The following CDH13 variants were observed in gnomAD, a reference collection of about 807,000 sequenced individuals.
The protein encoded by CDH13 is cadherin 13.
CDH13 carries 24 observed loss-of-function variants against 63.8 expected under a neutral mutation model. The observed-to-expected ratio is 0.38, with a 90% CI of 0.27 to 0.53. CDH13 has a LOEUF of 0.53. Among genes scored for constraint, CDH13 ranks in the 20% least tolerant of loss-of-function variants. CDH13 has a pLI of 0.85. For synonymous variants in CDH13, 503 were observed against 355.3 expected (o/e 1.42, Z -4.67); for missense variants, 1,049 against 903.1 (o/e 1.16, Z -2.07).
intron 2 of CDH13, among the ~76,000 whole-genome samples, chr16:83,012,385 A>G (rs1914254634): frequency 6.8e-6 from 1 of 147,510 alleles, no homozygotes; most frequent in South Asian, 2.1e-4. Context: ...CTAATGAAGT[A>G]AGCCCTGGTC....
In CDH13 at chr16:83,799,240, G is replaced by C. The variant is rs146860945; in HGVS notation, c.*4210G>C. ...AGGCAGGAGAATCGCTTGAACCCAG[G>C]AGGCAGAGTTTGCAGTGAGCCATTG... On this transcript the variant is annotated 3_prime_UTR_variant, in exon 14 of 14. Coordinates refer to ENST00000567109, the MANE Select transcript of CDH13 (RefSeq NM_001257.5). 0.027 allele frequency: 4,132 copies of C among 150,600 alleles called. 86 individuals are homozygous for C. Among genetic ancestry groups the C allele is most frequent in the Non-Finnish European group, 0.039 (2,663 of 67,842 alleles). 9.3% of individuals were successfully genotyped at this position (150,600 alleles called of 1,614,324 possible).
rs547787180 is a variant in CDH13, at chr16:83,338,648, G to A, written c.637-6214G>A. Among the ~76,000 whole-genome samples the A allele has an allele frequency of 1.5e-3, 233 of 152,340 alleles. 1 individual carries two copies. Among genetic ancestry groups the A allele is most frequent in the African/African-American group, 5.4e-3 (225 of 41,574 alleles). ...CTAGCTGTTCTGGAGGAGTAAGGGA[G>A]GCTCTTCTTGATATTTGGGCCAAGA... On this transcript the variant is annotated intron_variant, in intron 5 of 13. Coordinates refer to ENST00000567109, the MANE Select transcript of CDH13 (RefSeq NM_001257.5).
chr16:82,792,176 A>G (rs751341450), intron 1 of CDH13, among the ~76,000 whole-genome samples: 4 of 152,108 alleles, frequency 2.6e-5, no homozygotes, highest in Non-Finnish European at 5.9e-5. Flanking sequence ...TAGACTCACA[A>G]TTCCAGATAA....
intron 6 of CDH13, among the ~76,000 whole-genome samples, chr16:83,365,345 G>T (rs1160269685): frequency 6.6e-6 from 1 of 152,232 alleles, no homozygotes; most frequent in African/African-American, 2.4e-5. Context: ...GTGAGTAGAT[G>T]AGGCCCACCA....
chr16:82,950,934 C>A (rs1198364679), intron 2 of CDH13, among the ~76,000 whole-genome samples: 1 of 152,100 alleles, frequency 6.6e-6, no homozygotes, highest in East Asian at 1.9e-4. Context: ...CCTGTCTGGG[C>A]ACTGCAATGT....
chr16:83,104,159 A>G (rs1193713287), intron 3 of CDH13, among the ~76,000 whole-genome samples: 1 of 152,150 alleles, frequency 6.6e-6, no homozygotes, highest in African/African-American at 2.4e-5. Context: ...TTGTTGTTTT[A>G]CCATCCTAAC....
chr16:82,713,116 C>T (rs1281344654), intron 1 of CDH13, among the ~76,000 whole-genome samples: 1 of 151,792 alleles, frequency 6.6e-6, no homozygotes, highest in East Asian at 1.9e-4. Flanking sequence ...AAACAAGTTA[C>T]CTGAGGGAAT....
At chr16:83,488,017 C>G (rs946838506) in intron 7 of CDH13, among the ~76,000 whole-genome samples, 10 of 152,192 alleles carry the variant, frequency 6.6e-5, no homozygotes, top group African/African-American at 1.9e-4. Flanking sequence ...TGTCATTTGT[C>G]TCTGAAGAAG....
intron 9 of CDH13, among the ~76,000 whole-genome samples, chr16:83,672,707 G>T (rs913019646): frequency 2.0e-5 from 3 of 152,074 alleles, no homozygotes; most frequent in African/African-American, 7.2e-5. Flanking sequence ...TTACAGATAT[G>T]AGCCACTGCA....
intron 1 of CDH13, among the ~76,000 whole-genome samples, chr16:82,809,238 T>C (rs1313320407): frequency 6.6e-6 from 1 of 152,098 alleles, no homozygotes; most frequent in African/African-American, 2.4e-5. Flanking sequence ...TTTGCCAAGC[T>C]ATTATTACAT....
intron 1 of CDH13, among the ~76,000 whole-genome samples, chr16:82,712,126 A>G (rs1416469138): frequency 6.6e-6 from 1 of 152,090 alleles, no homozygotes; most frequent in Non-Finnish European, 1.5e-5. Context: ...CCAGCAAACA[A>G]ATCATCCAAC....
intron 7 of CDH13, among the ~76,000 whole-genome samples, chr16:83,516,210 T>G (rs1351280454): frequency 3.3e-5 from 5 of 152,284 alleles, no homozygotes; most frequent in Non-Finnish European, 7.4e-5. Context: ...ACACTCAAAG[T>G]TTTCTTTATA....
At chr16:82,793,176 C>G (rs1263050996) in intron 1 of CDH13, among the ~76,000 whole-genome samples, 1 of 152,186 alleles carries the variant, frequency 6.6e-6, no homozygotes, top group Non-Finnish European at 1.5e-5. Context: ...AGTGCATCAC[C>G]CAGTGAAGCC....
chr16:82,880,020 T>G (rs996503029), intron 2 of CDH13, among the ~76,000 whole-genome samples: 10 of 148,036 alleles, frequency 6.8e-5, no homozygotes. Flanking sequence ...TATTAATAGA[T>G]CATATATAAT....
chr16:82,680,894 A>G (rs1244171407), intron 1 of CDH13, among the ~76,000 whole-genome samples: 1 of 152,190 alleles, frequency 6.6e-6, no homozygotes, highest in African/African-American at 2.4e-5. Context: ...GGAGAGAAAA[A>G]GACACCTTAA....
intron 3 of CDH13, among the ~76,000 whole-genome samples, chr16:83,099,928 T>G (rs984109044): frequency 5.3e-5 from 8 of 152,164 alleles, no homozygotes; most frequent in African/African-American, 1.9e-4. Flanking sequence ...ACTTGGTTCA[T>G]TCAAAGCACC....
rs538903323 is a variant in CDH13 at position 83,543,630 on chromosome 16, G to C, written c.960+56975G>C. Among the ~76,000 whole-genome samples, 4 of 152,232 alleles carry C rather than the reference G, an allele frequency of 2.6e-5. No individual in the cohort carries two copies. In the South Asian group the frequency reaches 8.3e-4, roughly 32 times the overall value. On this transcript the variant is annotated intron_variant, in intron 7 of 13. Transcript: ENST00000567109. ...ACCTAAGTCAGTGGTTCTCAACTGG[G>C]GGTGATTGTGCTCCTCAGGGGACAG...
chr16:82,917,328 G>T (rs1040933765), intron 2 of CDH13, among the ~76,000 whole-genome samples: 1 of 152,076 alleles, frequency 6.6e-6, no homozygotes, highest in Non-Finnish European at 1.5e-5. Context: ...CCTAGTTTTG[G>T]GGAAAGAACA....
At chr16:82,757,995 A>C (rs1400193458) in intron 1 of CDH13, among the ~76,000 whole-genome samples, 1 of 152,074 alleles carries the variant, frequency 6.6e-6, no homozygotes, top group Admixed American at 6.6e-5. Context: ...TGAGGCTAGA[A>C]ATCTCTCTGG....
Sources: gnomAD v4.1 joint callset for allele counts (sites outside exome capture counted in the v4.1 genomes callset) on GRCh38, gnomAD v4.1.1 for gene constraint, MANE v1.5 for transcripts, NCBI Gene and HGNC (gene_info 2026-07-23, HGNC 2026-07-21) for gene names.